The following WDFY4 variants were observed in gnomAD, a reference collection of about 807,000 sequenced individuals.
WDFY4 encodes WD repeat- and FYVE domain-containing protein 4.
In WDFY4, 169 loss-of-function variants were observed where a neutral mutation model predicts 351.9. That is an observed-to-expected ratio of 0.48 (90% confidence interval 0.42 to 0.55). The LOEUF (loss-of-function observed/expected upper bound fraction) is 0.55. Ranked by LOEUF, WDFY4 falls within the 20% of genes least tolerant of loss-of-function variation. The pLI is 0.00. For synonymous variants in WDFY4, 1,622 were observed against 1,574.6 expected, an observed-to-expected ratio of 1.03 and a Z score of -0.71; for missense variants, 3,803 against 3,935.6, an observed-to-expected ratio of 0.97 and a Z score of 0.90.
intron 45 of WDFY4, 33 bp from the exon 46 acceptor site, chr10:48,900,188 A>G: frequency 1.9e-6 from 3 of 1,542,996 alleles, no homozygotes; most frequent in African/African-American, 1.4e-5. Flanking sequence ...TCCACAAAAT[A>G]TCAGGAGCAT....
chr10:48,979,627 G>GTGGA (rs1278852153), intron 60 of WDFY4: 4 of 142,218 alleles, frequency 2.8e-5, no homozygotes, highest in East Asian at 2.0e-4. Context: ...GGATGGACGG[G>GTGGA]TGGATGGATG....
intron 9 of WDFY4, among the ~76,000 whole-genome samples, 168 bp downstream of exon 9, chr10:48,731,730 T>G (rs1163040019): frequency 3.3e-5 from 5 of 152,180 alleles, no homozygotes; most frequent in African/African-American, 1.2e-4. Flanking sequence ...AGCCACCCAG[T>G]CTTCCCAATG....
intron 28 of WDFY4, among the ~76,000 whole-genome samples, chr10:48,809,833 T>C (rs2067389182): frequency 6.6e-6 from 1 of 152,218 alleles, no homozygotes; most frequent in South Asian, 2.1e-4. Context: ...CTCATTTCAG[T>C]GGATACCAGC....
At chr10:48,873,757 C>T in intron 41 of WDFY4, 60 bp downstream of exon 41, 2 of 1,512,102 alleles carry the variant, frequency 1.3e-6, no homozygotes, top group Non-Finnish European at 1.8e-6. Context: ...AGGAAAGCAG[C>T]TCCTGAGCTT....
At chr10:48,845,014 C>T (rs779435535) in intron 39 of WDFY4, among the ~76,000 whole-genome samples, 7 of 152,186 alleles carry the variant, frequency 4.6e-5, no homozygotes, top group Non-Finnish European at 7.4e-5. Context: ...AGCGGCCCTC[C>T]AACATCTGGG....
chr10:48,886,526 A>G (rs908801103), intron 43 of WDFY4, among the ~76,000 whole-genome samples: 2 of 152,194 alleles, frequency 1.3e-5, no homozygotes, highest in Non-Finnish European at 2.9e-5. Context: ...GATAAAAAGG[A>G]TAAGTTCAGC....
intron 38 of WDFY4, 127 bp from the exon 39 acceptor site, chr10:48,832,446 G>A: frequency 8.6e-7 from 1 of 1,156,960 alleles, no homozygotes; most frequent in Non-Finnish European, 1.2e-6. Context: ...AGCCTGGGTT[G>A]TTTCTCTTTT....
At chr10:48,690,430 C>T (rs917235463) in intron 1 of WDFY4, among the ~76,000 whole-genome samples, 26 of 152,162 alleles carry the variant, frequency 1.7e-4, no homozygotes, top group African/African-American at 5.8e-4. Flanking sequence ...TGGCCAGTGG[C>T]ACCTTTGCCT....
At chr10:48,925,591 G>A (rs79333232) in intron 47 of WDFY4, among the ~76,000 whole-genome samples, 10,210 of 152,224 alleles carry the variant, frequency 0.067, 826 homozygotes, top group African/African-American at 0.19. Context: ...CCCAATGTGA[G>A]CACTGCTTCC....
intron 1 of WDFY4, among the ~76,000 whole-genome samples, chr10:48,707,409 T>C (rs146945929): frequency 1.3e-5 from 2 of 152,258 alleles, no homozygotes; most frequent in African/African-American, 4.8e-5. Flanking sequence ...TCAGTTCTGC[T>C]GCCCCTGCCT....
chr10:48,921,264 T>C (rs533225513), intron 47 of WDFY4, among the ~76,000 whole-genome samples: 3 of 152,238 alleles, frequency 2.0e-5, no homozygotes, highest in African/African-American at 7.2e-5. Flanking sequence ...ATGGGACAGG[T>C]AGATAGGTCA....
At chr10:48,775,908 T>G (rs954768512) in intron 15 of WDFY4, 102 bp downstream of exon 15, 1 of 1,115,954 alleles carries the variant, frequency 9.0e-7, no homozygotes, top group Admixed American at 2.1e-5. Flanking sequence ...CAAACAGGTT[T>G]AAACATGGTT....
intron 45 of WDFY4, among the ~76,000 whole-genome samples, chr10:48,899,483 AC>A (rs1188096679): frequency 6.6e-6 from 1 of 151,520 alleles, no homozygotes; most frequent in Admixed American, 6.6e-5. Flanking sequence ...ATCTTACCCC[AC>A]CCCATCCTTC....
rs1444287854 is a variant in WDFY4, at chr10:48,966,556, G to T, written c.8467G>T (p.Ala2823Ser). The T allele has an allele frequency of 1.3e-6, 2 of 1,552,108 alleles. No individual in the cohort carries two copies. The highest frequency in any genetic ancestry group is 3.9e-5 in the Admixed American group (2 of 51,010). ...TACCAAACCTCACCCAGCCAGGACTGCAGCAGGGAAGCCTCTGCCTGGAAA... is the reference window on the plus strand; with the variant it reads ...TACCAAACCTCACCCAGCCAGGACTTCAGCAGGGAAGCCTCTGCCTGGAAA... Reference protein sequence around the residue: ...LFTKPHPARTAAGKPLPGKDV... With the variant: ...LFTKPHPARTSAGKPLPGKDV... Residue 2823 changes from alanine (A) to serine (S), a missense_variant, in exon 55 of 62, where the codon GCA (alanine) becomes TCA (serine). Around this residue, in one of 3 missense-constraint regions of WDFY4, gnomAD observed 3,054 missense variants for 3,148.6 expected, o/e 0.97. Transcript: ENST00000325239.
At chr10:48,829,028 G>A in intron 37 of WDFY4, 132 bp downstream of exon 37, 1 of 598,724 alleles carries the variant, frequency 1.7e-6, no homozygotes, top group Non-Finnish European at 2.8e-6. Context: ...ATACTATTAA[G>A]GACATTTTCA....
chr10:48,848,507 A>G (rs2068852361), intron 39 of WDFY4, among the ~76,000 whole-genome samples: 1 of 152,226 alleles, frequency 6.6e-6, no homozygotes, highest in Non-Finnish European at 1.5e-5. Context: ...TGCTCCTCGT[A>G]GGTGGCGTCA....
chr10:48,821,116 C>T lies in WDFY4; in HGVS notation c.5764C>T (p.Leu1922=), dbSNP rs2067809249. Residue 1922 remains leucine (L), a synonymous_variant, in exon 34 of 62, where the codon CTG becomes TTG. Transcript: ENST00000325239. ...QQKRDFQSEV[L]LSAMELFHMT... ...GAAGCGAGACTTCCAGTCCGAGGTCCTGCTTTCTGCTATGGAACTATTCCA... is the reference window on the plus strand; with the variant it reads ...GAAGCGAGACTTCCAGTCCGAGGTCTTGCTTTCTGCTATGGAACTATTCCA... 6.4e-7 allele frequency: 1 copy of T among 1,551,730 alleles called. No homozygotes were observed. Among genetic ancestry groups the T allele is most frequent in the Non-Finnish European group, 8.7e-7 (1 of 1,146,992 alleles).
At chr10:48,902,551 T>C (rs962012332) in intron 47 of WDFY4, among the ~76,000 whole-genome samples, 1 of 152,066 alleles carries the variant, frequency 6.6e-6, no homozygotes. Context: ...GTCTCACTAA[T>C]TCCTTCAAAA....
intron 51 of WDFY4, among the ~76,000 whole-genome samples, chr10:48,950,940 T>C (rs1300564111): frequency 3.3e-5 from 5 of 152,240 alleles, no homozygotes; most frequent in African/African-American, 1.2e-4. Flanking sequence ...ACGTACTGTA[T>C]GCCTGTGTGG....
Sources: allele counts gnomAD v4.1 joint callset (sites outside exome capture counted in the v4.1 genomes callset), GRCh38; gene constraint gnomAD v4.1.1; regional missense constraint gnomAD v4.1.1; transcripts MANE v1.5; gene names NCBI Gene and HGNC (gene_info 2026-07-23, HGNC 2026-07-21).